ARHGAP24: variants seen among roughly 807,000 people sequenced by gnomAD.
The protein encoded by ARHGAP24 is Rho GTPase activating protein 24, also known as rho GTPase-activating protein 24.
In ARHGAP24, 50 loss-of-function variants were observed where a neutral mutation model predicts 76.4. The ratio of observed to expected loss-of-function variants is 0.65; its 90% CI spans 0.52 to 0.83. The LOEUF (loss-of-function observed/expected upper bound fraction) is 0.83. ARHGAP24 is among the 40% of genes least tolerant of loss of function. ARHGAP24 has a pLI of 0.00. For synonymous variants in ARHGAP24, 345 were observed against 323.3 expected (o/e 1.07, Z -0.72); for missense variants, 930 against 914.2 (o/e 1.02, Z -0.22).
chr4:85,547,560 T>C (rs7662756), intron 1 of ARHGAP24, among the ~76,000 whole-genome samples: 26,694 of 152,038 alleles, frequency 0.18, 4,765 homozygotes, highest in African/African-American at 0.46. Flanking sequence ...CTCAGCCTCT[T>C]GAGTAGCTGA....
intron 2 of ARHGAP24, among the ~76,000 whole-genome samples, chr4:85,675,757 G>A (rs1021846052): frequency 2.0e-5 from 3 of 152,260 alleles, no homozygotes; most frequent in Admixed American, 1.3e-4. Flanking sequence ...TTGGCTTGTA[G>A]CTCATCTCAT....
chr4:85,554,789 GCCTC>G (rs1433303823), intron 1 of ARHGAP24, among the ~76,000 whole-genome samples: 1 of 151,690 alleles, frequency 6.6e-6, no homozygotes, highest in Admixed American at 6.6e-5. Context: ...TCCTGCCTCA[GCCTC>G]CTGAGTAGCT....
intron 3 of ARHGAP24, among the ~76,000 whole-genome samples, chr4:85,734,957 T>C (rs1251445516): frequency 6.6e-6 from 1 of 152,190 alleles, no homozygotes; most frequent in African/African-American, 2.4e-5. Flanking sequence ...GATATTCCCC[T>C]AATTTCCTAA....
At chr4:85,851,372 A>G (rs1396830667) in intron 3 of ARHGAP24, among the ~76,000 whole-genome samples, 1 of 152,176 alleles carries the variant, frequency 6.6e-6, no homozygotes, top group Non-Finnish European at 1.5e-5. Flanking sequence ...TCCTGAATAC[A>G]GCACGTTGAT....
At chr4:85,612,518 A>G (rs896028618) in intron 2 of ARHGAP24, among the ~76,000 whole-genome samples, 15 of 152,014 alleles carry the variant, frequency 9.9e-5, no homozygotes, top group Non-Finnish European at 1.8e-4. Context: ...ATATTATCTT[A>G]TTCTTCACCC....
chr4:85,815,088 A>G (rs1354225066), intron 3 of ARHGAP24, among the ~76,000 whole-genome samples: 1 of 151,982 alleles, frequency 6.6e-6, no homozygotes. Flanking sequence ...AGCAGCTGGG[A>G]CCAAGGGCAC....
Position 85,995,440 on chromosome 4 carries a change from C to G in ARHGAP24, c.1786C>G (p.Pro596Ala), listed in dbSNP as rs770420207. 9 of 1,609,276 alleles carry G rather than the reference C, an allele frequency of 5.6e-6. No homozygotes were observed. The highest frequency in any genetic ancestry group is 7.6e-6 in the Non-Finnish European group (9 of 1,176,632). ...CTTTGAGGACCCTGTTTTGGATGGGCCCCCGCAGGACGACCTTTCCCACCC... is the reference window on the plus strand; with the variant it reads ...CTTTGAGGACCCTGTTTTGGATGGGGCCCCGCAGGACGACCTTTCCCACCC... ...GNFEDPVLDG[P>A]PQDDLSHPRD... The change falls in exon 9 of 10, where the codon CCC becomes GCC. Residue 596 changes from proline to alanine, a missense_variant. Physicochemically the swap from Pro to Ala is conservative, Grantham distance 27. Coordinates refer to ENST00000395184, the MANE Select transcript of ARHGAP24 (RefSeq NM_001025616.3).
chr4:85,828,614 A>G (rs1020314551), intron 3 of ARHGAP24, among the ~76,000 whole-genome samples: 10 of 151,982 alleles, frequency 6.6e-5, no homozygotes, highest in Non-Finnish European at 1.0e-4. Flanking sequence ...AGCTTTTGTT[A>G]TCCGCATATT....
intron 1 of ARHGAP24, among the ~76,000 whole-genome samples, chr4:85,513,497 T>C (rs1724363721): frequency 6.6e-6 from 1 of 152,176 alleles, no homozygotes; most frequent in South Asian, 2.1e-4. Context: ...TTGTGTGTAA[T>C]TTTCAATTCT....
intron 1 of ARHGAP24, among the ~76,000 whole-genome samples, chr4:85,520,556 T>TG (rs1216840810): frequency 2.0e-5 from 3 of 152,054 alleles, no homozygotes; most frequent in Non-Finnish European, 4.4e-5. Flanking sequence ...TGGGCAATGA[T>TG]GGGGGGAAGG....
chr4:85,955,241 G>T (rs1275229512), intron 5 of ARHGAP24, among the ~76,000 whole-genome samples: 3 of 87,940 alleles, frequency 3.4e-5, no homozygotes, highest in African/African-American at 1.3e-4. Context: ...CCCCCACCCC[G>T]ACCCTCAGCA....
At chr4:85,487,751 TTATTATA>T (rs1723165111) in intron 1 of ARHGAP24, among the ~76,000 whole-genome samples, 1 of 105,156 alleles carries the variant, frequency 9.5e-6, no homozygotes, top group African/African-American at 4.0e-5. Flanking sequence ...TAATATATAT[TTATTATA>T]TATTATATAA....
Position 85,977,711 on chromosome 4 carries a change from A to G in ARHGAP24, c.928+20A>G, listed in dbSNP as rs766208028. The G allele has an allele frequency of 1.2e-6, 2 of 1,612,332 alleles. No individual in the cohort carries two copies. Among genetic ancestry groups the G allele is most frequent in the Non-Finnish European group, 1.7e-6 (2 of 1,178,678 alleles). Reference sequence around the variant, plus strand: ...TGGAGGGTAAGTAAATGATTATCTTATACCCTTATCAAAAGAAGAAGTAAT... The same window carrying G: ...TGGAGGGTAAGTAAATGATTATCTTGTACCCTTATCAAAAGAAGAAGTAAT... On this transcript the variant is annotated intron_variant, in intron 8 of 9. Coordinates refer to ENST00000395184, the MANE Select transcript of ARHGAP24 (RefSeq NM_001025616.3).
chr4:85,943,727 G>A (rs1737084412), intron 5 of ARHGAP24, among the ~76,000 whole-genome samples: 1 of 151,986 alleles, frequency 6.6e-6, no homozygotes. Flanking sequence ...TTTTGTTCCT[G>A]TGTTAGTTTG....
Position 85,578,478 on chromosome 4 carries a change from C to T in ARHGAP24, c.180+7757C>T, listed in dbSNP as rs1427158337. 6.6e-5 allele frequency among the ~76,000 whole-genome samples: 10 copies of T among 152,268 alleles called. No individual in the cohort carries two copies. In the East Asian group the frequency reaches 7.7e-4, roughly 12 times the overall value. On this transcript the variant is annotated intron_variant, in intron 2 of 9. Coordinates refer to ENST00000395184, the MANE Select transcript of ARHGAP24 (RefSeq NM_001025616.3). ...TAATTTTCTCCAGAATTGATTTGTC[C>T]GGTATAGGCACTTCCCTGGGAGGCA...
At chr4:85,899,148 AGT>A (rs1247518247) in intron 3 of ARHGAP24, among the ~76,000 whole-genome samples, 11 of 152,240 alleles carry the variant, frequency 7.2e-5, no homozygotes, top group African/African-American at 2.4e-4. Flanking sequence ...CAAGCTAATG[AGT>A]AATGTCTTCA....
intron 2 of ARHGAP24, among the ~76,000 whole-genome samples, chr4:85,705,298 T>C (rs1247040154): frequency 2.0e-5 from 3 of 152,186 alleles, no homozygotes; most frequent in Admixed American, 2.0e-4. Flanking sequence ...ACAGATACTA[T>C]ATTTTAAATT....
chr4:85,789,403 G>A (rs189435667), intron 3 of ARHGAP24, among the ~76,000 whole-genome samples: 14 of 151,494 alleles, frequency 9.2e-5, no homozygotes, highest in African/African-American at 2.2e-4. Flanking sequence ...GAATCAGTCC[G>A]CAGGTTGGCT....
At chr4:85,713,799 T>A (rs1441607434) in intron 2 of ARHGAP24, among the ~76,000 whole-genome samples, 2 of 152,050 alleles carry the variant, frequency 1.3e-5, no homozygotes, top group Non-Finnish European at 2.9e-5. Flanking sequence ...TGGCAGGTGG[T>A]TTTGTGTCAA....
Sources: allele counts gnomAD v4.1 joint callset (sites outside exome capture counted in the v4.1 genomes callset), GRCh38; gene constraint gnomAD v4.1.1; transcripts MANE v1.5; gene names NCBI Gene and HGNC (gene_info 2026-07-23, HGNC 2026-07-21).